The following MACROD2 variants were observed in gnomAD, a reference collection of about 807,000 sequenced individuals.
The protein encoded by MACROD2 is ADP-ribose glycohydrolase MACROD2.
In MACROD2, 36 loss-of-function variants were observed where a neutral mutation model predicts 70.4. The observed-to-expected ratio is 0.51, with a 90% CI of 0.39 to 0.68. The LOEUF is 0.68. Among genes scored for constraint, MACROD2 ranks in the 30% least tolerant of loss-of-function variants. The pLI, the probability that MACROD2 is intolerant of heterozygous loss-of-function variation, is 0.00. For synonymous variants in MACROD2, 172 were observed against 178.8 expected (o/e 0.96, Z 0.30); for missense variants, 496 against 538.4 (o/e 0.92, Z 0.78).
chr20:14,165,042 G>A (rs576495743), intron 3 of MACROD2, among the ~76,000 whole-genome samples: 4 of 152,254 alleles, frequency 2.6e-5, no homozygotes, highest in African/African-American at 4.8e-5. Context: ...TGCAGGCAGC[G>A]AATGTAAATG....
chr20:14,036,645 G>A (rs1294827877), intron 2 of MACROD2, among the ~76,000 whole-genome samples: 1 of 152,124 alleles, frequency 6.6e-6, no homozygotes, highest in Non-Finnish European at 1.5e-5. Flanking sequence ...ACAGTCGTGG[G>A]TTGTTGGTAT....
At chr20:14,194,511 C>T (rs2081414174) in intron 3 of MACROD2, among the ~76,000 whole-genome samples, 1 of 152,024 alleles carries the variant, frequency 6.6e-6, no homozygotes, top group Admixed American at 6.6e-5. Flanking sequence ...GACACTGTGG[C>T]GAGGGGTCAA....
At chr20:15,236,641 C>G (rs1349184611) in intron 6 of MACROD2, among the ~76,000 whole-genome samples, 1 of 152,156 alleles carries the variant, frequency 6.6e-6, no homozygotes, top group Non-Finnish European at 1.5e-5. Flanking sequence ...TGGCTCAATT[C>G]CTCATCCAAG....
At chr20:14,200,986 T>G (rs1410402104) in intron 3 of MACROD2, among the ~76,000 whole-genome samples, 1 of 151,774 alleles carries the variant, frequency 6.6e-6, no homozygotes, top group South Asian at 2.1e-4. Context: ...TTTTGGACTA[T>G]TCCTTTTTAC....
At chr20:14,666,911 A>G (rs1600517172) in intron 4 of MACROD2, among the ~76,000 whole-genome samples, 1 of 151,704 alleles carries the variant, frequency 6.6e-6, no homozygotes, top group African/African-American at 2.4e-5. Flanking sequence ...TTGGGTCCAC[A>G]TTATGTGACC....
intron 3 of MACROD2, among the ~76,000 whole-genome samples, chr20:14,468,516 TG>T (rs375125884): frequency 0.018 from 1,905 of 104,138 alleles, 59 homozygotes; most frequent in African/African-American, 0.063. Context: ...TGTCTTTTTT[TG>T]GGGGGGGGCG....
chr20:15,194,521 C>T (rs933756391), intron 5 of MACROD2, among the ~76,000 whole-genome samples: 2 of 152,024 alleles, frequency 1.3e-5, no homozygotes, highest in African/African-American at 4.8e-5. Context: ...TCACTGATTT[C>T]TCAGTGAAAT....
intron 8 of MACROD2, among the ~76,000 whole-genome samples, chr20:15,697,871 C>T (rs1220878639): frequency 1.3e-5 from 2 of 152,218 alleles, no homozygotes; most frequent in Non-Finnish European, 2.9e-5. Context: ...ATAAGAATAG[C>T]TACCCCTGCT....
chr20:14,858,901 AT>A lies in MACROD2; in HGVS notation c.418+173945del, dbSNP rs561265694. ...TTACATGAGTAAAGTGAAAGTTTTGATTTAGGGGAAAAGAGGCAGAACATGA... is the reference window on the plus strand; with the variant it reads ...TTACATGAGTAAAGTGAAAGTTTTGATTAGGGGAAAAGAGGCAGAACATGA... On this transcript the variant is annotated intron_variant, in intron 5 of 17. Transcript: ENST00000684519. Among the ~76,000 whole-genome samples the A allele has an allele frequency of 1.4e-3, 218 of 152,234 alleles. 1 individual carries two copies. Among genetic ancestry groups the A allele is most frequent in the African/African-American group, 5.0e-3 (207 of 41,532 alleles).
chr20:15,395,389 A>T (rs990096150), intron 6 of MACROD2, among the ~76,000 whole-genome samples: 3 of 152,110 alleles, frequency 2.0e-5, no homozygotes, highest in African/African-American at 7.2e-5. Flanking sequence ...TTCTTTTTTG[A>T]AACATTTTTA....
At chr20:15,133,910 T>A (rs2076125429) in intron 5 of MACROD2, among the ~76,000 whole-genome samples, 1 of 24,120 alleles carries the variant, frequency 4.1e-5, no homozygotes, top group African/African-American at 1.6e-4. Flanking sequence ...ATAATCTTTT[T>A]TTTTTTTTTT....
At chr20:14,264,134 A>G (rs576313885) in intron 3 of MACROD2, among the ~76,000 whole-genome samples, 17 of 149,314 alleles carry the variant, frequency 1.1e-4, no homozygotes, top group African/African-American at 4.0e-4. Flanking sequence ...ACACAATGCA[A>G]TTTGGCTGAT....
intron 2 of MACROD2, among the ~76,000 whole-genome samples, chr20:14,036,369 A>G (rs1259333901): frequency 2.6e-5 from 4 of 152,322 alleles, no homozygotes; most frequent in East Asian, 3.9e-4. Context: ...TTTATGAAAC[A>G]TAGATTCCTG....
intron 3 of MACROD2, among the ~76,000 whole-genome samples, chr20:14,162,146 C>T (rs925809061): frequency 3.9e-5 from 6 of 152,028 alleles, no homozygotes; most frequent in Admixed American, 1.3e-4. Flanking sequence ...TTCAGTAGCA[C>T]GTTGTTTAAT....
intron 6 of MACROD2, among the ~76,000 whole-genome samples, chr20:15,234,009 A>ATATATATTTT (rs1555795277): frequency 2.5e-5 from 1 of 39,996 alleles, no homozygotes; most frequent in Non-Finnish European, 4.7e-5. Flanking sequence ...ATATATATAT[A>ATATATATTTT]TTCTTTTTTT....
intron 5 of MACROD2, among the ~76,000 whole-genome samples, chr20:15,104,628 C>T (rs2075897660): frequency 6.6e-6 from 1 of 152,020 alleles, no homozygotes; most frequent in Non-Finnish European, 1.5e-5. Flanking sequence ...AGTCTACATA[C>T]CTGCGGATCT....
intron 8 of MACROD2, among the ~76,000 whole-genome samples, chr20:15,597,131 G>A (rs532154421): frequency 1.8e-4 from 28 of 152,284 alleles, no homozygotes; most frequent in African/African-American, 6.0e-4. Flanking sequence ...TTGAAGATAG[G>A]TGCTGGTATA....
intron 2 of MACROD2, among the ~76,000 whole-genome samples, chr20:14,020,987 CTTTTTT>C (rs1163077387): frequency 4.5e-5 from 5 of 111,550 alleles, no homozygotes; most frequent in African/African-American, 7.1e-5. Flanking sequence ...TTTGAATATT[CTTTTTT>C]TTTTTTTTTT....
intron 2 of MACROD2, among the ~76,000 whole-genome samples, chr20:14,071,209 T>A (rs2053832526): frequency 6.6e-6 from 1 of 151,530 alleles, no homozygotes; most frequent in Non-Finnish European, 1.5e-5. Context: ...ATCTTAAAAG[T>A]TATGCTTTTG....
Sources: allele counts gnomAD v4.1 joint callset (sites outside exome capture counted in the v4.1 genomes callset), GRCh38; gene constraint gnomAD v4.1.1; transcripts MANE v1.5; gene names NCBI Gene and HGNC (gene_info 2026-07-23, HGNC 2026-07-21).